NME9: variants seen among roughly 807,000 people sequenced by gnomAD.
NME9 encodes the protein NME/NM23 family member 9.
NME9 carries 48 observed loss-of-function variants against 44.4 expected under a neutral mutation model. The observed-to-expected ratio is 1.08, with a 90% CI of 0.86 to 1.37. NME9 has a LOEUF of 1.37. Among genes scored for constraint, NME9 ranks in the 40% most tolerant of loss-of-function variants. The pLI is 0.00. For synonymous variants in NME9, 139 were observed against 147.1 expected (o/e 0.94, Z 0.40); for missense variants, 325 against 405.2 (o/e 0.80, Z 1.70).
chr3:138,272,269 G>A (rs555599727), intron 8 of NME9, among the ~76,000 whole-genome samples: 4 of 152,078 alleles, frequency 2.6e-5, no homozygotes, highest in Admixed American at 2.0e-4. Flanking sequence ...ATTTTCTTCC[G>A]TGAGTACTTT....
chr3:138,314,533 T>C (rs564530480), intron 5 of NME9, 126 bp from the exon 6 acceptor site: 3 of 628,820 alleles, frequency 4.8e-6, no homozygotes, highest in Admixed American at 3.3e-5. Context: ...GTCAAAATTA[T>C]CAGTCTTGGA....
At chr3:138,326,821 T>G (rs1020280398) in intron 1 of NME9, among the ~76,000 whole-genome samples, 1 of 151,788 alleles carries the variant, frequency 6.6e-6, no homozygotes, top group Non-Finnish European at 1.5e-5. Flanking sequence ...GCAAGAAACA[T>G]GTAACAACTG....
At chr3:138,278,013 G>C (rs1162826064) in intron 8 of NME9, among the ~76,000 whole-genome samples, 1 of 152,154 alleles carries the variant, frequency 6.6e-6, no homozygotes, top group Non-Finnish European at 1.5e-5. Context: ...CAAAAGGCAA[G>C]ATACTATATG....
intron 4 of NME9, 116 bp from the exon 5 acceptor site, chr3:138,315,759 T>C: frequency 3.0e-6 from 2 of 663,102 alleles, no homozygotes; most frequent in African/African-American, 1.8e-5. Flanking sequence ...CCCAGGCCTG[T>C]AGCAGCGTGC....
intron 8 of NME9, among the ~76,000 whole-genome samples, chr3:138,286,721 A>C (rs949599301): frequency 1.3e-5 from 2 of 151,906 alleles, no homozygotes; most frequent in Non-Finnish European, 2.9e-5. Flanking sequence ...TCTTACGTAC[A>C]GACAGAGTTG....
rs1434703429 is a variant in NME9 at position 138,319,484 on chromosome 3, A to G, written c.189T>C (p.Phe63=). ...RIEVGLDLLH[F]ALAEADRLDV... is the part of the protein sequence containing the mutation. ...GGCTGAGAGAGAATCTTACTAATGC[A>G]AAGTGCAGAAGGTCCAGGCCGACCT... The change falls in exon 3 of 11, where the codon TTT becomes TTC. Residue 63 remains phenylalanine (F), a synonymous_variant. Coordinates refer to ENST00000333911, the MANE Select transcript of NME9 (RefSeq NM_001349018.2). The G allele has an allele frequency of 1.3e-6, 2 of 1,588,110 alleles. No individual in the cohort carries two copies. The highest frequency in any genetic ancestry group is 4.5e-5 in the East Asian group (2 of 44,750).
Position 138,329,423 on chromosome 3 carries a change from G to A in NME9, c.-88C>T. On this transcript the variant is annotated 5_prime_UTR_variant, in exon 1 of 11. Transcript: ENST00000333911. ...GACAAACCGCTGCGTGGATCAGCAAGCCCAGAGCCTCCTTCAGACAAGCCC... is the reference window on the plus strand; with the variant it reads ...GACAAACCGCTGCGTGGATCAGCAAACCCAGAGCCTCCTTCAGACAAGCCC... 6.5e-7 allele frequency: 1 copy of A among 1,530,350 alleles called. No homozygotes were observed. The highest frequency in any genetic ancestry group is 1.4e-5 in the African/African-American group (1 of 72,950). The allele number at this position is 1,530,350 out of a possible 1,614,324, so 94.8% of individuals were successfully genotyped here.
At chr3:138,273,568 AAGC>A (rs1394991682) in intron 8 of NME9, among the ~76,000 whole-genome samples, 3 of 151,996 alleles carry the variant, frequency 2.0e-5, no homozygotes, top group African/African-American at 7.3e-5. Context: ...CCAGTGTAGA[AAGC>A]AGTGGATACG....
At chr3:138,303,005 C>T (rs528339052) in intron 10 of NME9, among the ~76,000 whole-genome samples, 7 of 152,342 alleles carry the variant, frequency 4.6e-5, no homozygotes, top group Non-Finnish European at 1.0e-4. Flanking sequence ...GAATGCTTCC[C>T]ATGAAGGGAA....
In NME9 at chr3:138,306,008, C is replaced by A. The variant is rs776115865; in HGVS notation, c.632G>T (p.Gly211Val). 2.5e-6 allele frequency: 4 copies of A among 1,606,210 alleles called. No individual in the cohort carries two copies. In the South Asian group the frequency reaches 4.4e-5, roughly 18 times the overall value. The change falls in exon 8 of 11, where the codon GGA becomes GTA. Residue 211 changes from glycine to valine, a missense_variant. Coordinates refer to ENST00000333911, the MANE Select transcript of NME9 (RefSeq NM_001349018.2). The part of the protein sequence containing the change: ...EVRLFYQHKA[G>V]EEAFEKLVHH... ...TGTGGAAGTAGATGAGCTGACCTCTCCAGCTTTGTGTTGGTAGAAAAGTCG... is the reference window on the plus strand; with the variant it reads ...TGTGGAAGTAGATGAGCTGACCTCTACAGCTTTGTGTTGGTAGAAAAGTCG...
At chr3:138,281,915 A>G (rs1184569197) in intron 8 of NME9, among the ~76,000 whole-genome samples, 2 of 152,156 alleles carry the variant, frequency 1.3e-5, no homozygotes, top group Admixed American at 6.5e-5. Context: ...TAAAATTCTT[A>G]TTCATAATAA....
At chr3:138,274,421 T>G (rs1474320729) in intron 8 of NME9, 7 of 1,441,792 alleles carry the variant, frequency 4.9e-6, no homozygotes, top group Non-Finnish European at 6.8e-6. Flanking sequence ...GTTTCTTTGA[T>G]AATTATGGAT....
At chr3:138,284,492 A>G (rs374204828) in intron 8 of NME9, 36 of 1,613,444 alleles carry the variant, frequency 2.2e-5, no homozygotes, top group Non-Finnish European at 3.1e-5. Context: ...ATTATGACCA[A>G]TGATGATATC....
rs2050198960 is a variant in NME9 at position 138,284,281 on chromosome 3, A to G, written c.745+19226T>C. ...TTGGGTGTGGTTACTGTTACTAGCA[A>G]TGATGTCAGCAGATGAGAAATCAGG... On this transcript the variant is annotated intron_variant, in intron 8 of 8. Coordinates refer to the NME9 transcript ENST00000317876. 4 of 635,492 alleles carry G rather than the reference A, an allele frequency of 6.3e-6. No homozygotes were observed. The South Asian group carries it at 7.9e-5, about 13-fold the overall frequency. The allele number at this position is 635,492 out of a possible 1,614,324, so 39.4% of individuals were successfully genotyped here.
downstream of NME9, chr3:138,297,276 C>T (rs935874417): frequency 3.9e-5 from 6 of 152,210 alleles, no homozygotes; most frequent in Non-Finnish European, 5.9e-5. Flanking sequence ...CTTTCTGCAC[C>T]CCTTAGCTTG....
At chr3:138,270,333 G>A (rs1308370254) in intron 8 of NME9, among the ~76,000 whole-genome samples, 2 of 152,152 alleles carry the variant, frequency 1.3e-5, no homozygotes, top group East Asian at 1.9e-4. Flanking sequence ...TTATGCCTCC[G>A]TTCTCTTATT....
chr3:138,277,589 A>G (rs1158422283), intron 8 of NME9, among the ~76,000 whole-genome samples: 1 of 152,254 alleles, frequency 6.6e-6, no homozygotes, highest in Non-Finnish European at 1.5e-5. Flanking sequence ...CAATATGAAC[A>G]GACACTGCAC....
downstream of NME9, chr3:138,300,915 G>T (rs988401559): frequency 8.1e-6 from 2 of 246,848 alleles, no homozygotes; most frequent in Admixed American, 6.5e-5. Flanking sequence ...TATCTGCCTC[G>T]GCATCAGTGT....
chr3:138,262,930 A>G (rs963144573), intron 8 of NME9, among the ~76,000 whole-genome samples: 2 of 152,214 alleles, frequency 1.3e-5, no homozygotes, highest in African/African-American at 4.8e-5. Context: ...AAAGCTCTGT[A>G]TTATCCAGAA....
Sources: allele counts gnomAD v4.1 joint callset (sites outside exome capture counted in the v4.1 genomes callset), GRCh38; gene constraint gnomAD v4.1.1; transcripts MANE v1.5; gene names NCBI Gene and HGNC (gene_info 2026-07-23, HGNC 2026-07-21).